Variants in NCALD observed in about 807,000 individuals in gnomAD.
NCALD encodes neurocalcin-delta.
NCALD carries 10 observed loss-of-function variants against 18.6 expected under a neutral mutation model. The observed-to-expected ratio is 0.54, with a 90% CI of 0.33 to 0.91. The LOEUF is 0.91. NCALD is among the 40% of genes least tolerant of loss of function. The pLI, the probability that NCALD is intolerant of heterozygous loss-of-function variation, is 0.03. For missense variants in NCALD, 184 were observed against 247.6 expected, an observed-to-expected ratio of 0.74 and a Z score of 1.72; for synonymous variants, 88 against 87.4, an observed-to-expected ratio of 1.01 and a Z score of -0.04.
chr8:101,825,385 G>C (rs1221168271), intron 4 of NCALD, among the ~76,000 whole-genome samples: 2 of 152,224 alleles, frequency 1.3e-5, no homozygotes, highest in African/African-American at 4.8e-5. Context: ...GAGAATGTGT[G>C]AGGAAACCCA....
chr8:101,794,637 T>G (rs1056777503), upstream of NCALD, among the ~76,000 whole-genome samples: 4 of 152,216 alleles, frequency 2.6e-5, no homozygotes, highest in African/African-American at 9.6e-5. Context: ...GCTTACTACA[T>G]GTGGAACATT....
intron 4 of NCALD, among the ~76,000 whole-genome samples, chr8:101,874,307 G>A (rs575231042): frequency 1.2e-4 from 19 of 152,276 alleles, no homozygotes; most frequent in African/African-American, 4.6e-4. Context: ...TTTCCATTGT[G>A]AAGGTTTACA....
chr8:101,803,984 C>T (rs916257547), intron 4 of NCALD, among the ~76,000 whole-genome samples: 1 of 152,096 alleles, frequency 6.6e-6, no homozygotes, highest in Admixed American at 6.5e-5. Flanking sequence ...GTAAACTTCA[C>T]TGTTGTCTTA....
rs545026402 is a variant in NCALD, at chr8:102,001,777, A to C, written c.-157+18460T>G. Among the ~76,000 whole-genome samples, 746 of 152,332 alleles carry C rather than the reference A, an allele frequency of 4.9e-3. 8 individuals carry two copies. The highest frequency in any genetic ancestry group is 0.017 in the African/African-American group (709 of 41,568). On this transcript the variant is annotated intron_variant, in intron 2 of 6. Coordinates refer to the NCALD transcript ENST00000311028. ...CAGAATTTCATATCCAGCCAAACTA[A>C]GCTTCATAAGTGAAGGAGAAATAAA...
intron 3 of NCALD, among the ~76,000 whole-genome samples, chr8:101,914,497 C>T (rs1015085140): frequency 3.3e-5 from 5 of 152,142 alleles, no homozygotes; most frequent in African/African-American, 4.8e-5. Context: ...GAAAGAAAGT[C>T]ATTCTGTGCA....
Position 101,762,236 on chromosome 8 carries a change from C to T in NCALD, c.-20+28626G>A, listed in dbSNP as rs187603499. Among the ~76,000 whole-genome samples the T allele has an allele frequency of 1.1e-3, 165 of 152,180 alleles. 1 individual carries two copies. The highest frequency in any genetic ancestry group is 2.1e-3 in the Non-Finnish European group (143 of 68,002). ...CCACAGAGCCTTCATAAAGTAGGTG[C>T]TCACCCCATATTTGTGGATCATAAT... On this transcript the variant is annotated intron_variant, in intron 1 of 3. Coordinates refer to ENST00000220931, the MANE Select transcript of NCALD (RefSeq NM_032041.3).
chr8:101,692,022 T>C (rs552398048), intron 3 of NCALD: 1 of 982,070 alleles, frequency 1.0e-6, no homozygotes, highest in Non-Finnish European at 1.2e-6. Flanking sequence ...CCCGTTAACT[T>C]TGAATTTCAG....
rs117371814 is a variant in NCALD, at chr8:101,986,886, C to A, written c.-157+33351G>T. On this transcript the variant is annotated intron_variant, in intron 2 of 6. Coordinates refer to the NCALD transcript ENST00000311028. The stretch of plus-strand genomic sequence containing the variant: ...GTAATTTTGAGCTTGAGCCAGCCAG[C>A]TGGGGTTGATAAGAATGTGAGGGGA... 1.2e-3 allele frequency among the ~76,000 whole-genome samples: 155 copies of A among 125,432 alleles called. 2 individuals carry two copies. In the East Asian group the frequency reaches 0.035, roughly 28 times the overall value. 82.3% of individuals were successfully genotyped at this position (125,432 alleles called of 152,430 possible).
chr8:101,876,388 G>A (rs1294048676), intron 4 of NCALD, among the ~76,000 whole-genome samples: 2 of 152,198 alleles, frequency 1.3e-5, no homozygotes, highest in African/African-American at 4.8e-5. Flanking sequence ...CTGAAAGACT[G>A]GAGACAACAA....
In NCALD at chr8:101,749,494, G is replaced by T. The variant is rs78098275; in HGVS notation, c.-19-29846C>A. Among the ~76,000 whole-genome samples, 516 of 152,252 alleles carry T rather than the reference G, an allele frequency of 3.4e-3. 5 individuals carry two copies. Among genetic ancestry groups the T allele is most frequent in the Admixed American group, 0.026 (394 of 15,296 alleles). ...CAGACCAAGATGTACAGTAGATCTG[G>T]GTGAGAGCCCTGCTTTTCCACTAAG... On this transcript the variant is annotated intron_variant, in intron 1 of 3. Transcript: ENST00000220931.
At chr8:101,781,068 T>C (rs1811994078) in intron 1 of NCALD, among the ~76,000 whole-genome samples, 1 of 152,160 alleles carries the variant, frequency 6.6e-6, no homozygotes, top group African/African-American at 2.4e-5. Flanking sequence ...TTTTTCAAGG[T>C]GGGCACAAAC....
chr8:101,847,847 G>T (rs1036389155), intron 4 of NCALD, among the ~76,000 whole-genome samples: 6 of 152,112 alleles, frequency 3.9e-5, no homozygotes, highest in African/African-American at 1.2e-4. Context: ...GGAAGAGAGT[G>T]TGGAGTTGAG....
intron 4 of NCALD, among the ~76,000 whole-genome samples, chr8:101,860,927 G>T (rs1408388984): frequency 6.6e-6 from 1 of 152,090 alleles, no homozygotes; most frequent in Non-Finnish European, 1.5e-5. Flanking sequence ...TAGAAATTTT[G>T]TAAGCTGGTT....
At chr8:101,806,142 A>G (rs1239599091) in intron 4 of NCALD, among the ~76,000 whole-genome samples, 1 of 151,662 alleles carries the variant, frequency 6.6e-6, no homozygotes, top group Non-Finnish European at 1.5e-5. Context: ...TGTAGGGAAA[A>G]TAGACCTCAC....
At chr8:101,708,171 G>C (rs1043878805) in intron 2 of NCALD, among the ~76,000 whole-genome samples, 1 of 152,134 alleles carries the variant, frequency 6.6e-6, no homozygotes, top group Non-Finnish European at 1.5e-5. Context: ...AAGGTTTGGG[G>C]AATTCCTGGG....
chr8:102,029,209 G>A (rs1228591425), intron 1 of NCALD: 2 of 152,224 alleles, frequency 1.3e-5, no homozygotes, highest in African/African-American at 4.8e-5. Flanking sequence ...TAAAATAGCT[G>A]ATCTGAAGAG....
chr8:101,782,090 TATATAA>T (rs1812039092), intron 1 of NCALD, among the ~76,000 whole-genome samples: 1 of 145,496 alleles, frequency 6.9e-6, no homozygotes, highest in Non-Finnish European at 1.5e-5. Context: ...GTTTTATATA[TATATAA>T]ATATACATAT....
chr8:102,002,448 G>A (rs905902662), intron 2 of NCALD, among the ~76,000 whole-genome samples: 1 of 152,130 alleles, frequency 6.6e-6, no homozygotes, highest in African/African-American at 2.4e-5. Flanking sequence ...ACACCCCACT[G>A]TCAACATTAG....
chr8:101,798,223 T>G (rs1355201483), intron 4 of NCALD, among the ~76,000 whole-genome samples: 2 of 152,164 alleles, frequency 1.3e-5, no homozygotes, highest in Non-Finnish European at 2.9e-5. Flanking sequence ...AACTGTTTCA[T>G]TTGTGGATGA....
Sources: gnomAD v4.1 joint callset for allele counts (sites outside exome capture counted in the v4.1 genomes callset) on GRCh38, gnomAD v4.1.1 for gene constraint, MANE v1.5 for transcripts, NCBI Gene and HGNC (gene_info 2026-07-23, HGNC 2026-07-21) for gene names.